ATG13: variants seen among roughly 807,000 people sequenced by gnomAD.
ATG13 encodes the protein autophagy related 13.
Under a neutral mutation model 65.5 loss-of-function variants are expected in ATG13, and 23 were observed. That is an observed-to-expected ratio of 0.35 (90% CI 0.25 to 0.50). The LOEUF (loss-of-function observed/expected upper bound fraction) is 0.50, where lower values mean the gene tolerates loss of function less well. Ranked by LOEUF, ATG13 falls within the 20% of genes least tolerant of loss-of-function variation. The pLI is 0.98. For synonymous variants in ATG13, 252 were observed against 245.2 expected, an observed-to-expected ratio of 1.03 and a Z score of -0.26; for missense variants, 566 against 677.0, an observed-to-expected ratio of 0.84 and a Z score of 1.82.
At position 46,656,229 on chromosome 11, in the gene ATG13, A is replaced by G. The variant is rs764936045; in HGVS notation, c.459-4A>G. ...TAACATTTCTTATTTTTTCTTCCAT[A>G]CAGGATATATTTTGGAGAAGTTCAG... is the stretch of plus-strand genomic sequence containing the variant. On this transcript the variant is annotated splice_polypyrimidine_tract_variant and splice_region_variant and intron_variant, in intron 7 of 18. Transcript: ENST00000683050. 3 of 1,612,058 alleles carry G rather than the reference A, an allele frequency of 1.9e-6. No individual in the cohort carries two copies.
At chr11:46,645,444 T>G (rs751319265) in intron 4 of ATG13, 25 bp downstream of exon 4, 2 of 1,588,902 alleles carry the variant, frequency 1.3e-6, no homozygotes, top group South Asian at 2.2e-5. Flanking sequence ...TTTACTAAGG[T>G]GTATACTGTA....
At chr11:46,629,725 A>G (rs952348136) in intron 1 of ATG13, among the ~76,000 whole-genome samples, 4 of 152,078 alleles carry the variant, frequency 2.6e-5, no homozygotes, top group African/African-American at 9.7e-5. Flanking sequence ...TAAGCACTTA[A>G]TACTTTCAAA....
chr11:46,664,157 A>G, intron 12 of ATG13, 62 bp downstream of exon 12: 2 of 1,248,204 alleles, frequency 1.6e-6, no homozygotes, highest in Non-Finnish European at 2.3e-6. Context: ...TAAAAATTGT[A>G]AATAAATTAT....
chr11:46,625,128 G>T (rs2049034081), intron 1 of ATG13, among the ~76,000 whole-genome samples: 1 of 148,764 alleles, frequency 6.7e-6, no homozygotes, highest in Non-Finnish European at 1.5e-5. Context: ...AGGAGTTCCA[G>T]ACCAGCCTGG....
In ATG13 at chr11:46,672,939, C is replaced by T; in HGVS notation, c.*607C>T. 3.1e-6 allele frequency: 2 copies of T among 638,062 alleles called. No individual in the cohort carries two copies. Among genetic ancestry groups the T allele is most frequent in the Non-Finnish European group, 4.5e-6 (2 of 444,200 alleles). 39.5% of individuals were successfully genotyped at this position (638,062 alleles called of 1,614,324 possible). The stretch of plus-strand genomic sequence containing the variant: ...CCTACCCAAGATCAGAACTCCAAAA[C>T]CACTCCCACCCCTGAAGGTCGGGAG... On this transcript the variant is annotated 3_prime_UTR_variant, in exon 19 of 19. Transcript: ENST00000683050.
intron 14 of ATG13, among the ~76,000 whole-genome samples, chr11:46,667,532 C>A (rs1426605712): frequency 6.6e-6 from 1 of 152,150 alleles, no homozygotes; most frequent in Non-Finnish European, 1.5e-5. Flanking sequence ...AAATTTGGAA[C>A]TAAAGAAGAA....
chr11:46,668,977 A>G (rs2063071133), intron 17 of ATG13, 67 bp downstream of exon 17: 1 of 1,274,954 alleles, frequency 7.8e-7, no homozygotes, highest in Admixed American at 1.7e-5. Flanking sequence ...CATCTACTGC[A>G]CTTGATCCAG....
At chr11:46,665,091 TCAG>T in intron 13 of ATG13, 132 bp downstream of exon 13, 1 of 968,240 alleles carries the variant, frequency 1.0e-6, no homozygotes, top group Non-Finnish European at 1.5e-6. Flanking sequence ...TTTCGTGACT[TCAG>T]AGACCAAAAG....
intron 1 of ATG13, among the ~76,000 whole-genome samples, chr11:46,624,423 C>T (rs1236853769): frequency 6.6e-6 from 1 of 152,040 alleles, no homozygotes; most frequent in Non-Finnish European, 1.5e-5. Context: ...AGGAACTGGT[C>T]CAGCATCAAG....
chr11:46,633,014 ATATATATATATATT>A (rs2052445675), intron 2 of ATG13, among the ~76,000 whole-genome samples: 1 of 105,926 alleles, frequency 9.4e-6, no homozygotes, highest in African/African-American at 4.6e-5. Context: ...ATATATATAT[ATATATATATATATT>A]TTTTTTTTTT....
At chr11:46,650,075 A>G (rs1291918548) in intron 6 of ATG13, 102 bp from the exon 7 acceptor site, 1 of 1,299,186 alleles carries the variant, frequency 7.7e-7, no homozygotes, top group Non-Finnish European at 1.1e-6. Flanking sequence ...AGGTGTAATT[A>G]GAGTTCTCTG....
chr11:46,630,299 A>T (rs957135380), intron 2 of ATG13, among the ~76,000 whole-genome samples, 199 bp downstream of exon 2: 3 of 152,186 alleles, frequency 2.0e-5, no homozygotes, highest in African/African-American at 7.2e-5. Flanking sequence ...GAGTGAAATG[A>T]AGTTGGAACA....
At chr11:46,664,278 C>T in intron 12 of ATG13, 183 bp downstream of exon 12, 1 of 524,286 alleles carries the variant, frequency 1.9e-6, no homozygotes, top group Non-Finnish European at 3.3e-6. Context: ...AGGGAATTTT[C>T]ATCTGCCCCT....
chr11:46,641,136 G>C (rs570921144), intron 2 of ATG13, among the ~76,000 whole-genome samples: 1 of 151,950 alleles, frequency 6.6e-6, no homozygotes, highest in African/African-American at 2.4e-5. Context: ...GCAGTGGTGC[G>C]ATCTCGGCTC....
At chr11:46,643,347 A>C (rs1009830096) in intron 2 of ATG13, among the ~76,000 whole-genome samples, 1 of 152,120 alleles carries the variant, frequency 6.6e-6, no homozygotes, top group Non-Finnish European at 1.5e-5. Context: ...GTACATGACT[A>C]CTTGGTCCCC....
intron 10 of ATG13, 86 bp downstream of exon 10, chr11:46,657,708 C>T: frequency 8.0e-7 from 1 of 1,242,882 alleles, no homozygotes; most frequent in South Asian, 1.5e-5. Flanking sequence ...CTTTTCTCAG[C>T]ACTCACTCTC....
intron 1 of ATG13, among the ~76,000 whole-genome samples, chr11:46,622,762 T>A (rs1323701224): frequency 6.6e-6 from 1 of 152,230 alleles, no homozygotes; most frequent in Non-Finnish European, 1.5e-5. Context: ...TTGTAAATGC[T>A]ATTTTAGGGG....
intron 7 of ATG13, among the ~76,000 whole-genome samples, chr11:46,652,046 G>A (rs1377900163): frequency 2.0e-5 from 3 of 152,008 alleles, no homozygotes; most frequent in Non-Finnish European, 4.4e-5. Flanking sequence ...TTAGGAGTTC[G>A]AGACAAGCCT....
At chr11:46,651,231 T>C (rs1450388137) in intron 7 of ATG13, among the ~76,000 whole-genome samples, 2 of 152,140 alleles carry the variant, frequency 1.3e-5, no homozygotes, top group Non-Finnish European at 2.9e-5. Context: ...ATTTGAAAAC[T>C]GCAAACCAGA....
Sources: gnomAD v4.1 joint callset for allele counts (sites outside exome capture counted in the v4.1 genomes callset) on GRCh38, gnomAD v4.1.1 for gene constraint, MANE v1.5 for transcripts, NCBI Gene and HGNC (gene_info 2026-07-23, HGNC 2026-07-21) for gene names.